TRAPPC9: variants seen among roughly 807,000 people sequenced by gnomAD.
TRAPPC9 encodes the protein trafficking protein particle complex subunit 9.
Under a neutral mutation model 124.0 loss-of-function variants are expected in TRAPPC9, and 83 were observed. That is an observed-to-expected ratio of 0.67 (90% CI 0.56 to 0.80). TRAPPC9 has a LOEUF of 0.80. Among genes scored for constraint, TRAPPC9 ranks in the 30% least tolerant of loss-of-function variants. The pLI, the probability that TRAPPC9 is intolerant of heterozygous loss-of-function variation, is 0.00. For missense variants in TRAPPC9, 1,302 were observed against 1,508.3 expected (o/e 0.86, Z 2.27); for synonymous variants, 638 against 617.5 (o/e 1.03, Z -0.49).
chr8:139,817,860 C>T (rs867354226), intron 21 of TRAPPC9, among the ~76,000 whole-genome samples: 1 of 152,188 alleles, frequency 6.6e-6, no homozygotes, highest in Non-Finnish European at 1.5e-5. Flanking sequence ...TACAACATGA[C>T]CTGCACTCTT....
At chr8:140,260,652 G>C (rs4736162) in intron 15 of TRAPPC9, among the ~76,000 whole-genome samples, 75,246 of 152,002 alleles carry the variant, frequency 0.5, 19,209 homozygotes, top group East Asian at 0.75. Flanking sequence ...GACAATAACT[G>C]AAACAACCAT....
chr8:140,371,016 CAGG>C lies in TRAPPC9; in HGVS notation c.1296_1298del (p.Leu433del). 2 of 1,614,248 alleles carry C rather than the reference CAGG, an allele frequency of 1.2e-6. No homozygotes were observed. The highest frequency in any genetic ancestry group is 8.5e-7 in the Non-Finnish European group (1 of 1,180,048). ...ACAGACTGTAGCCGGGCAGCGTTTC[CAGG>C]AGGAGTTTGTAGCAGGCCCTCCACC... On this transcript the variant is annotated inframe_deletion, in exon 8 of 23. Coordinates refer to ENST00000438773, the MANE Select transcript of TRAPPC9 (RefSeq NM_001160372.4).
chr8:140,039,108 C>T (rs75829767), intron 17 of TRAPPC9, among the ~76,000 whole-genome samples: 6 of 152,360 alleles, frequency 3.9e-5, no homozygotes, highest in East Asian at 1.9e-4. Context: ...ATTAGCCCTA[C>T]GCTACTGTAC....
chr8:140,457,202 G>A (rs1189992004), intron 1 of TRAPPC9, among the ~76,000 whole-genome samples: 1 of 152,216 alleles, frequency 6.6e-6, no homozygotes, highest in South Asian at 2.1e-4. Context: ...GACCCCGCGG[G>A]CTCCAGTGGG....
At chr8:140,261,866 G>A (rs2064427884) in intron 15 of TRAPPC9, among the ~76,000 whole-genome samples, 1 of 152,092 alleles carries the variant, frequency 6.6e-6, no homozygotes, top group South Asian at 2.1e-4. Context: ...TGAAACTAAA[G>A]AAATACCACC....
intron 17 of TRAPPC9, among the ~76,000 whole-genome samples, chr8:140,101,724 G>C (rs1357440067): frequency 6.7e-6 from 1 of 149,264 alleles, no homozygotes; most frequent in African/African-American, 2.5e-5. Context: ...TGTATTTTTA[G>C]TAGAAATAAG....
intron 17 of TRAPPC9, among the ~76,000 whole-genome samples, chr8:140,044,923 G>C (rs147050990): frequency 6.6e-6 from 1 of 152,176 alleles, no homozygotes; most frequent in Non-Finnish European, 1.5e-5. Flanking sequence ...TATAGTCTAC[G>C]TCAGCTGGAA....
intron 17 of TRAPPC9, among the ~76,000 whole-genome samples, chr8:140,129,611 C>G (rs1024894458): frequency 6.6e-6 from 1 of 152,098 alleles, no homozygotes; most frequent in Non-Finnish European, 1.5e-5. Flanking sequence ...AGACTGGGTA[C>G]ACACAGGAGG....
intron 18 of TRAPPC9, among the ~76,000 whole-genome samples, chr8:139,996,727 TTGC>T (rs962772556): frequency 6.6e-6 from 1 of 152,180 alleles, no homozygotes; most frequent in Non-Finnish European, 1.5e-5. Context: ...TTTGCTGTTG[TTGC>T]TATTTTTTTG....
At chr8:139,887,937 C>T (rs1587103757) in intron 20 of TRAPPC9, among the ~76,000 whole-genome samples, 1 of 152,206 alleles carries the variant, frequency 6.6e-6, no homozygotes, top group Non-Finnish European at 1.5e-5. Flanking sequence ...CAGCACAGCC[C>T]GTAGCCCCTC....
At chr8:140,338,120 T>C (rs1425071447) in intron 9 of TRAPPC9, among the ~76,000 whole-genome samples, 1 of 152,232 alleles carries the variant, frequency 6.6e-6, no homozygotes, top group East Asian at 1.9e-4. Flanking sequence ...TTAAACTCAA[T>C]GTCTTTTTTT....
chr8:139,827,373 C>T (rs1825708728), intron 21 of TRAPPC9, among the ~76,000 whole-genome samples: 1 of 152,196 alleles, frequency 6.6e-6, no homozygotes, highest in Non-Finnish European at 1.5e-5. Context: ...CATGGCTGAT[C>T]CCCGTAATCC....
intron 21 of TRAPPC9, among the ~76,000 whole-genome samples, chr8:139,882,226 T>C (rs983682404): frequency 1.3e-5 from 2 of 152,178 alleles, no homozygotes; most frequent in African/African-American, 4.8e-5. Flanking sequence ...CATTTACAAA[T>C]GTCATTTCAC....
chr8:139,928,449 G>C (rs952345090), intron 19 of TRAPPC9, among the ~76,000 whole-genome samples: 1 of 151,760 alleles, frequency 6.6e-6, no homozygotes, highest in African/African-American at 2.4e-5. Flanking sequence ...CCAAGATGGC[G>C]CCACTGCACT....
chr8:140,205,979 C>T (rs1179655015), intron 17 of TRAPPC9, among the ~76,000 whole-genome samples: 6 of 152,168 alleles, frequency 3.9e-5, no homozygotes, highest in Admixed American at 2.0e-4. Context: ...CTCACTGAAC[C>T]GATCCTTCAC....
intron 21 of TRAPPC9, among the ~76,000 whole-genome samples, chr8:139,760,554 T>C (rs1269899375): frequency 6.6e-6 from 1 of 152,238 alleles, no homozygotes; most frequent in Admixed American, 6.5e-5. Context: ...TCCTCATTCA[T>C]TTCTGCACTG....
intron 7 of TRAPPC9, among the ~76,000 whole-genome samples, chr8:140,390,253 G>A (rs1588268461): frequency 6.6e-6 from 1 of 152,200 alleles, no homozygotes; most frequent in East Asian, 1.9e-4. Flanking sequence ...TGCAGTGAGA[G>A]GAGATCCGGC....
intron 8 of TRAPPC9, among the ~76,000 whole-genome samples, chr8:140,366,222 A>G (rs2068103566): frequency 6.6e-6 from 1 of 152,246 alleles, no homozygotes; most frequent in African/African-American, 2.4e-5. Flanking sequence ...TAATCCTGCA[A>G]TGAACACACC....
At chr8:139,996,059 C>T (rs375975614) in intron 18 of TRAPPC9, among the ~76,000 whole-genome samples, 11 of 139,536 alleles carry the variant, frequency 7.9e-5, no homozygotes, top group African/African-American at 2.9e-4. Context: ...TAGAAAGAGA[C>T]TTTAAATGCA....
Sources: gnomAD v4.1 joint callset for allele counts (sites outside exome capture counted in the v4.1 genomes callset) on GRCh38, gnomAD v4.1.1 for gene constraint, MANE v1.5 for transcripts, NCBI Gene and HGNC (gene_info 2026-07-23, HGNC 2026-07-21) for gene names.